Variants in LRRIQ1 observed in about 807,000 individuals in gnomAD.
The protein encoded by LRRIQ1 is leucine-rich repeat- and IQ domain-containing protein 1.
Under a neutral mutation model 211.9 loss-of-function variants are expected in LRRIQ1, and 210 were observed. The ratio of observed to expected loss-of-function variants is 0.99; its 90% CI spans 0.89 to 1.11. LRRIQ1 has a LOEUF of 1.11. Ranked by LOEUF, LRRIQ1 falls within the 50% of genes most tolerant of loss-of-function variation. LRRIQ1 has a pLI of 0.00. For missense variants in LRRIQ1, 2,136 were observed against 1,939.5 expected (o/e 1.10, Z -1.90); for synonymous variants, 699 against 650.1 (o/e 1.08, Z -1.14).
chr12:85,080,066 C>T (rs753051930), intron 11 of LRRIQ1, among the ~76,000 whole-genome samples: 28 of 151,982 alleles, frequency 1.8e-4, no homozygotes, highest in Admixed American at 1.2e-3. Context: ...TTAATACACA[C>T]GCGCACACAC....
intron 10 of LRRIQ1, 112 bp from the exon 11 acceptor site, chr12:85,072,795 T>G: frequency 3.2e-6 from 2 of 625,986 alleles, no homozygotes; most frequent in Non-Finnish European, 5.2e-6. Flanking sequence ...CAGTATAGAT[T>G]TAGGTTTTAT....
intron 24 of LRRIQ1, among the ~76,000 whole-genome samples, chr12:85,199,146 G>A (rs908952180): frequency 1.3e-5 from 2 of 152,060 alleles, no homozygotes; most frequent in Non-Finnish European, 2.9e-5. Context: ...ATTTGTTTTT[G>A]TTGCAATTGT....
chr12:85,162,644 A>C, intron 24 of LRRIQ1: 1 of 407,988 alleles, frequency 2.5e-6, no homozygotes, highest in Non-Finnish European at 4.8e-6. Flanking sequence ...GTACTGGTAT[A>C]AAATATGCTA....
At chr12:85,217,686 A>ATGTGTATATATGTATATG (rs1555226114) in intron 24 of LRRIQ1, among the ~76,000 whole-genome samples, 1 of 119,532 alleles carries the variant, frequency 8.4e-6, no homozygotes, top group Non-Finnish European at 1.6e-5. Flanking sequence ...ATATGTATAT[A>ATGTGTATATATGTATATG]TGTGTATATA....
intron 24 of LRRIQ1, among the ~76,000 whole-genome samples, chr12:85,197,377 C>G (rs140287439): frequency 0.12 from 18,067 of 150,136 alleles, 1,442 homozygotes; most frequent in Middle Eastern, 0.19. Flanking sequence ...ACACATGCAC[C>G]TGTATGTTTA....
intron 11 of LRRIQ1, among the ~76,000 whole-genome samples, chr12:85,087,831 G>T (rs967374767): frequency 9.9e-5 from 15 of 151,846 alleles, no homozygotes; most frequent in Admixed American, 6.6e-4. Context: ...GCTCTTTGTA[G>T]ATTCTGGATA....
chr12:85,086,055 G>A (rs1248259856), intron 11 of LRRIQ1, among the ~76,000 whole-genome samples: 3 of 152,142 alleles, frequency 2.0e-5, no homozygotes, highest in African/African-American at 7.2e-5. Context: ...CACCAATGGT[G>A]TATAAATGTT....
intron 24 of LRRIQ1, among the ~76,000 whole-genome samples, chr12:85,220,067 A>G (rs1316414972): frequency 1.3e-5 from 2 of 152,160 alleles, no homozygotes; most frequent in Admixed American, 1.3e-4. Context: ...TATAGTGTAA[A>G]TCAAAATTTT....
intron 17 of LRRIQ1, among the ~76,000 whole-genome samples, chr12:85,125,074 G>A (rs1888282613): frequency 6.6e-6 from 1 of 151,938 alleles, no homozygotes; most frequent in Non-Finnish European, 1.5e-5. Context: ...AGCTACTTGG[G>A]AGGCTGAGGC....
intron 9 of LRRIQ1, among the ~76,000 whole-genome samples, chr12:85,066,239 G>A (rs1882416421): frequency 6.6e-6 from 1 of 151,876 alleles, no homozygotes; most frequent in South Asian, 2.1e-4. Context: ...TCAGGCTCAA[G>A]CTCAAAGCAC....
chr12:85,266,331 T>A (rs1398222455), downstream of LRRIQ1, among the ~76,000 whole-genome samples: 1 of 152,070 alleles, frequency 6.6e-6, no homozygotes, highest in Non-Finnish European at 1.5e-5. Context: ...CCAGTTTTAA[T>A]CTAAAAGACA....
Position 85,047,484 on chromosome 12 carries a change from GT to G in LRRIQ1, c.678+19del. 4 of 1,597,326 alleles carry G rather than the reference GT, an allele frequency of 2.5e-6. No homozygotes were observed. The highest frequency in any genetic ancestry group is 2.6e-6 in the Non-Finnish European group (3 of 1,170,132). On this transcript the variant is annotated intron_variant, in intron 6 of 26. Transcript: ENST00000393217. ...AACATTCAGAAGGTATTTTGCTTTT[GT>G]TTTTCATGTATTTTTAAAATCAGTA...
chr12:85,132,114 T>C (rs1184433221), intron 18 of LRRIQ1, among the ~76,000 whole-genome samples: 3 of 152,114 alleles, frequency 2.0e-5, no homozygotes, highest in Admixed American at 2.0e-4. Flanking sequence ...TTGAGCAGGA[T>C]CCATTTTGAG....
At chr12:85,075,457 A>T (rs1235673235) in intron 11 of LRRIQ1, among the ~76,000 whole-genome samples, 1 of 152,086 alleles carries the variant, frequency 6.6e-6, no homozygotes, top group Non-Finnish European at 1.5e-5. Flanking sequence ...ACTTACAATC[A>T]TGGCAGGAGG....
chr12:85,123,115 G>A (rs1181934237), intron 16 of LRRIQ1, among the ~76,000 whole-genome samples: 1 of 151,406 alleles, frequency 6.6e-6, no homozygotes, highest in African/African-American at 2.4e-5. Flanking sequence ...TGCATTATTA[G>A]CCAATGAAAT....
At chr12:85,061,101 A>G (rs1185073996) in intron 8 of LRRIQ1, among the ~76,000 whole-genome samples, 2 of 151,964 alleles carry the variant, frequency 1.3e-5, no homozygotes, top group African/African-American at 4.8e-5. Flanking sequence ...AGCTATAAAT[A>G]TAGTTGAGTT....
intron 24 of LRRIQ1, among the ~76,000 whole-genome samples, chr12:85,192,729 T>C (rs1433807689): frequency 9.9e-6 from 1 of 100,806 alleles, no homozygotes; most frequent in East Asian, 3.1e-4. Flanking sequence ...ATATATATAG[T>C]TATATACTAT....
intron 15 of LRRIQ1, among the ~76,000 whole-genome samples, chr12:85,116,675 A>G (rs1396937288): frequency 6.6e-6 from 1 of 152,016 alleles, no homozygotes; most frequent in Non-Finnish European, 1.5e-5. Flanking sequence ...CCAGTACCCA[A>G]TAGTTATCTT....
At chr12:85,142,833 T>A (rs2136595679) in intron 19 of LRRIQ1, among the ~76,000 whole-genome samples, 1 of 151,724 alleles carries the variant, frequency 6.6e-6, no homozygotes, top group East Asian at 1.9e-4. Flanking sequence ...AATTTTCCAT[T>A]GTGTATTTTC....
Sources: gnomAD v4.1 joint callset for allele counts (sites outside exome capture counted in the v4.1 genomes callset) on GRCh38, gnomAD v4.1.1 for gene constraint, MANE v1.5 for transcripts, NCBI Gene and HGNC (gene_info 2026-07-23, HGNC 2026-07-21) for gene names.